The following CAST variants were observed in gnomAD, a reference collection of about 807,000 sequenced individuals.
The protein encoded by CAST is calpastatin.
Under a neutral mutation model 119.6 loss-of-function variants are expected in CAST, and 76 were observed. That is an observed-to-expected ratio of 0.64 (90% confidence interval 0.53 to 0.77). The LOEUF (loss-of-function observed/expected upper bound fraction) is 0.77, where lower values mean the gene tolerates loss of function less well. Among genes scored for constraint, CAST ranks in the 30% least tolerant of loss-of-function variants. The pLI is 0.00. For missense variants in CAST, 953 were observed against 946.5 expected (o/e 1.01, Z -0.09); for synonymous variants, 319 against 331.6 (o/e 0.96, Z 0.41).
the CAST span, among the ~76,000 whole-genome samples, chr5:95,988,793 A>G: frequency 1.3e-5 from 2 of 152,216 alleles, no homozygotes; most frequent in African/African-American, 4.8e-5. Context: ...ACTCTTTAGA[A>G]TAGAATCTGA....
the CAST span, among the ~76,000 whole-genome samples, chr5:96,112,759 A>C: frequency 2.0e-5 from 3 of 152,210 alleles, no homozygotes; most frequent in Non-Finnish European, 4.4e-5. Flanking sequence ...TGATGAGCTG[A>C]AATGTGCTCA....
chr5:96,202,124 G>A, the CAST span, among the ~76,000 whole-genome samples: 1 of 152,004 alleles, frequency 6.6e-6, no homozygotes, highest in African/African-American at 2.4e-5. Flanking sequence ...GTGCTTTTAT[G>A]AATACAACCA....
chr5:96,649,165 A>G (rs1025957339), intron 1 of CAST, among the ~76,000 whole-genome samples: 2 of 152,196 alleles, frequency 1.3e-5, no homozygotes, highest in African/African-American at 2.4e-5. Flanking sequence ...AAGAATTTAA[A>G]ATTAATAAAA....
intron 24 of CAST, among the ~76,000 whole-genome samples, chr5:96,759,083 G>C (rs1015156506): frequency 1.3e-5 from 2 of 152,032 alleles, no homozygotes; most frequent in Non-Finnish European, 2.9e-5. Flanking sequence ...ATGGTGAGAT[G>C]AAACAACCTT....
At chr5:96,034,506 C>CACACACACACAA in the CAST span, among the ~76,000 whole-genome samples, 1 of 118,714 alleles carries the variant, frequency 8.4e-6, no homozygotes, top group Admixed American at 9.0e-5. Flanking sequence ...CACACACACA[C>CACACACACACAA]ATATGTGTGT....
chr5:96,346,895 G>A, the CAST span, among the ~76,000 whole-genome samples: 1 of 152,250 alleles, frequency 6.6e-6, no homozygotes, highest in East Asian at 1.9e-4. Flanking sequence ...GGCACTGCGG[G>A]CAGAAAGGCA....
chr5:96,252,598 C>T, the CAST span, among the ~76,000 whole-genome samples: 1 of 152,004 alleles, frequency 6.6e-6, no homozygotes, highest in Non-Finnish European at 1.5e-5. Flanking sequence ...TTAAGCAACC[C>T]GTTTGGATTG....
intron 1 of CAST, among the ~76,000 whole-genome samples, chr5:96,645,454 T>G (rs1331856779): frequency 6.6e-6 from 1 of 152,220 alleles, no homozygotes; most frequent in Non-Finnish European, 1.5e-5. Flanking sequence ...CCAAATAATT[T>G]TTAAATGTGA....
At chr5:96,655,165 G>A (rs10039522) in intron 1 of CAST, among the ~76,000 whole-genome samples, 34,672 of 151,904 alleles carry the variant, frequency 0.23, 4,734 homozygotes, top group African/African-American at 0.37. Flanking sequence ...AAAGATGTGG[G>A]GCAGAGTGAT....
At chr5:96,326,310 C>T in the CAST span, among the ~76,000 whole-genome samples, 1 of 152,176 alleles carries the variant, frequency 6.6e-6, no homozygotes, top group Non-Finnish European at 1.5e-5. Flanking sequence ...CAAGGTCCTC[C>T]ATGACAAGCC....
chr5:96,742,422 G>GC, intron 15 of CAST: 1 of 493,178 alleles, frequency 2.0e-6, no homozygotes, highest in South Asian at 2.6e-5. Flanking sequence ...GGTGAAGTGT[G>GC]CCCCAGAGAA....
chr5:96,438,294 C>A, the CAST span, among the ~76,000 whole-genome samples: 2 of 152,160 alleles, frequency 1.3e-5, no homozygotes, highest in Non-Finnish European at 2.9e-5. Context: ...GTTCATGCAG[C>A]TTTCCCTGGG....
intron 3 of CAST, among the ~76,000 whole-genome samples, chr5:96,704,479 TTA>T (rs1425479897): frequency 2.0e-5 from 3 of 152,258 alleles, no homozygotes; most frequent in Admixed American, 6.5e-5. Flanking sequence ...AGCTGAGTAT[TTA>T]TGTTTCTATT....
At chr5:96,283,533 A>C in the CAST span, among the ~76,000 whole-genome samples, 1 of 152,200 alleles carries the variant, frequency 6.6e-6, no homozygotes, top group Admixed American at 6.5e-5. Context: ...TTTGATTGGC[A>C]AGTCTCATTC....
chr5:96,354,917 A>G, the CAST span, among the ~76,000 whole-genome samples: 1 of 151,872 alleles, frequency 6.6e-6, no homozygotes, highest in African/African-American at 2.4e-5. Flanking sequence ...TGCATTTTCA[A>G]TATGAGAGTA....
At chr5:96,233,932 TG>T in the CAST span, among the ~76,000 whole-genome samples, 2 of 151,390 alleles carry the variant, frequency 1.3e-5, no homozygotes, top group South Asian at 4.2e-4. Context: ...TAAGATTTTT[TG>T]TTCTTACATA....
chr5:96,282,819 C>A, the CAST span, among the ~76,000 whole-genome samples: 40 of 152,128 alleles, frequency 2.6e-4, no homozygotes, highest in South Asian at 6.2e-3. Context: ...CTTAGAATCA[C>A]CTGAGGGTTC....
the CAST span, among the ~76,000 whole-genome samples, chr5:96,482,459 T>A: frequency 4.0e-5 from 6 of 151,766 alleles, no homozygotes; most frequent in Non-Finnish European, 7.4e-5. Context: ...CCAGGTCTCT[T>A]AGAGGAATTA....
the CAST span, among the ~76,000 whole-genome samples, chr5:96,308,160 C>T: frequency 2.6e-5 from 4 of 151,918 alleles, no homozygotes; most frequent in African/African-American, 4.8e-5. Flanking sequence ...TCTTTTCACT[C>T]TTTTTTCTCT....
Sources: allele counts gnomAD v4.1 joint callset (sites outside exome capture counted in the v4.1 genomes callset), GRCh38; gene constraint gnomAD v4.1.1; transcripts MANE v1.5; gene names NCBI Gene and HGNC (gene_info 2026-07-23, HGNC 2026-07-21).